Variants in RNF144A observed in about 807,000 individuals in gnomAD.
RNF144A encodes the protein ring finger protein 144A.
RNF144A carries 11 observed loss-of-function variants against 38.7 expected under a neutral mutation model. The ratio of observed to expected loss-of-function variants is 0.28; its 90% CI spans 0.18 to 0.47. The LOEUF is 0.47. Ranked by LOEUF, RNF144A falls within the 20% of genes least tolerant of loss-of-function variation. RNF144A has a pLI of 0.99. For missense variants in RNF144A, 316 were observed against 377.2 expected, an observed-to-expected ratio of 0.84 and a Z score of 1.34; for synonymous variants, 149 against 143.9, an observed-to-expected ratio of 1.04 and a Z score of -0.25.
chr2:6,955,466 T>C (rs1053421194), intron 2 of RNF144A, among the ~76,000 whole-genome samples: 1 of 152,178 alleles, frequency 6.6e-6, no homozygotes, highest in Non-Finnish European at 1.5e-5. Context: ...GGCTGGCCAG[T>C]GCCTAGACCG....
At chr2:6,997,933 T>C (rs1669865460) in intron 3 of RNF144A, among the ~76,000 whole-genome samples, 1 of 152,292 alleles carries the variant, frequency 6.6e-6, no homozygotes, top group African/African-American at 2.4e-5. Flanking sequence ...AGGATAGATC[T>C]TAAGTATTCT....
intron 8 of RNF144A, among the ~76,000 whole-genome samples, chr2:7,037,126 G>GCA (rs138527330): frequency 1.3e-5 from 2 of 152,030 alleles, no homozygotes; most frequent in African/African-American, 2.4e-5. Flanking sequence ...CACATCCACA[G>GCA]CACACACACA....
At chr2:7,000,036 G>A (rs894978056) in intron 3 of RNF144A, among the ~76,000 whole-genome samples, 5 of 152,178 alleles carry the variant, frequency 3.3e-5, no homozygotes, top group African/African-American at 1.2e-4. Context: ...GTGTGAAAGG[G>A]ACTGGCCTAG....
chr2:7,011,535 A>G (rs1311584512), intron 3 of RNF144A, among the ~76,000 whole-genome samples: 1 of 152,226 alleles, frequency 6.6e-6, no homozygotes, highest in Non-Finnish European at 1.5e-5. Flanking sequence ...TCATGTGAGC[A>G]TGGTAACACG....
intron 3 of RNF144A, among the ~76,000 whole-genome samples, chr2:7,012,637 G>T (rs182968560): frequency 6.6e-6 from 1 of 152,216 alleles, no homozygotes; most frequent in Non-Finnish European, 1.5e-5. Context: ...CACTTAACAC[G>T]TCTGCGGATG....
downstream of RNF144A, among the ~76,000 whole-genome samples, chr2:7,047,606 T>TG (rs1673359637): frequency 6.6e-6 from 1 of 152,146 alleles, no homozygotes. Context: ...AATTCTGAGA[T>TG]ATACAATTCA....
At chr2:6,980,207 TC>T (rs1296669437) in intron 2 of RNF144A, among the ~76,000 whole-genome samples, 2 of 152,158 alleles carry the variant, frequency 1.3e-5, no homozygotes, top group Admixed American at 6.5e-5. Flanking sequence ...CCCCAGCGTC[TC>T]CCAGATATCG....
At chr2:6,983,345 C>A (rs913783739) in intron 2 of RNF144A, among the ~76,000 whole-genome samples, 5 of 152,076 alleles carry the variant, frequency 3.3e-5, no homozygotes, top group African/African-American at 1.2e-4. Context: ...TAGAACAATC[C>A]CTGGGGGACT....
chr2:7,071,298 G>A (rs1322921947), downstream of RNF144A, among the ~76,000 whole-genome samples: 1 of 152,306 alleles, frequency 6.6e-6, no homozygotes, highest in East Asian at 1.9e-4. Flanking sequence ...CAGATGTGTG[G>A]TTAGGCAGAA....
rs375994544 is a variant in RNF144A, at chr2:6,996,898, G to A, written c.-11-18G>A. 9.3e-6 allele frequency: 15 copies of A among 1,608,574 alleles called. No individual in the cohort carries two copies. The East Asian group carries it at 1.3e-4, about 14-fold the overall frequency. Reference sequence around the variant, plus strand: ...CAGGGGTGGGGAGGTCTGACCTTCCGTGCTTCTCTCGTTTCAGACTGTTCT... The same window carrying A: ...CAGGGGTGGGGAGGTCTGACCTTCCATGCTTCTCTCGTTTCAGACTGTTCT... On this transcript the variant is annotated intron_variant, in intron 2 of 8. Coordinates refer to ENST00000320892, the MANE Select transcript of RNF144A (RefSeq NM_014746.6).
At chr2:6,996,712 C>T in intron 2 of RNF144A, 1 of 556,252 alleles carries the variant, frequency 1.8e-6, no homozygotes. Context: ...TAGATTGCAC[C>T]ACTGTACTCC....
At chr2:7,068,911 C>T (rs73912603), downstream of RNF144A, among the ~76,000 whole-genome samples, 2,990 of 152,286 alleles carry the variant, frequency 0.02, 86 homozygotes, top group African/African-American at 0.068. Flanking sequence ...TGCCTGGCAC[C>T]TCCTGGGTTC....
Position 6,948,237 on chromosome 2 carries a change from C to T in RNF144A, c.-12+7090C>T, listed in dbSNP as rs1483459702. Among the ~76,000 whole-genome samples, 5 of 152,242 alleles carry T rather than the reference C, an allele frequency of 3.3e-5. No individual in the cohort carries two copies. In the East Asian group the frequency reaches 9.6e-4, roughly 29 times the overall value. On this transcript the variant is annotated intron_variant, in intron 2 of 8. Transcript: ENST00000320892. ...CAGGGCTGCAGGAATTTGGGAGATC[C>T]AGATCTGGCTGAGGGATGTCTTCTG...
chr2:7,026,371 G>A lies in RNF144A; in HGVS notation c.657+1855G>A, dbSNP rs530405778. Among the ~76,000 whole-genome samples the A allele has an allele frequency of 1.1e-4, 16 of 152,276 alleles. No homozygotes were observed. The East Asian group carries it at 2.7e-3, about 26-fold the overall frequency. ...CTTCCTAGGCAAGTTTAATGAATCAGCATGGCAAGATGAATTTTCTTTAGC... is the reference window on the plus strand; with the variant it reads ...CTTCCTAGGCAAGTTTAATGAATCAACATGGCAAGATGAATTTTCTTTAGC... On this transcript the variant is annotated intron_variant, in intron 7 of 8. Coordinates refer to ENST00000320892, the MANE Select transcript of RNF144A (RefSeq NM_014746.6).
intron 6 of RNF144A, among the ~76,000 whole-genome samples, chr2:7,022,837 C>T (rs1044363017): frequency 6.6e-6 from 1 of 152,200 alleles, no homozygotes; most frequent in African/African-American, 2.4e-5. Flanking sequence ...TCGTTTGCTC[C>T]TTGCAACAAC....
At chr2:6,985,613 A>G (rs1200353528) in intron 2 of RNF144A, among the ~76,000 whole-genome samples, 1 of 152,186 alleles carries the variant, frequency 6.6e-6, no homozygotes, top group Non-Finnish European at 1.5e-5. Context: ...CTCGAGCCAC[A>G]CGTGTAGCAT....
chr2:7,021,888 G>T (rs1671556198), intron 6 of RNF144A, among the ~76,000 whole-genome samples: 1 of 152,232 alleles, frequency 6.6e-6, no homozygotes, highest in African/African-American at 2.4e-5. Context: ...GGAGCCTGAT[G>T]ACTTAGTTTT....
intron 2 of RNF144A, among the ~76,000 whole-genome samples, chr2:6,996,206 G>C (rs547357962): frequency 1.3e-5 from 2 of 152,174 alleles, no homozygotes; most frequent in Non-Finnish European, 2.9e-5. Context: ...CTTCTGCTCT[G>C]ACCCTTCCAC....
At chr2:6,925,508 T>C (rs1332192792) in intron 1 of RNF144A, among the ~76,000 whole-genome samples, 1 of 151,718 alleles carries the variant, frequency 6.6e-6, no homozygotes, top group Non-Finnish European at 1.5e-5. Flanking sequence ...TGTGTAGGGG[T>C]GAAAGTGGCC....
Sources: gnomAD v4.1 joint callset for allele counts (sites outside exome capture counted in the v4.1 genomes callset) on GRCh38, gnomAD v4.1.1 for gene constraint, MANE v1.5 for transcripts, NCBI Gene and HGNC (gene_info 2026-07-23, HGNC 2026-07-21) for gene names.